Variants in RAD50 observed in about 807,000 individuals in gnomAD.
The protein encoded by RAD50 is DNA repair protein RAD50.
A neutral mutation model predicts 168.8 loss-of-function variants in RAD50; 132 were observed. The observed-to-expected ratio is 0.78, with a 90% confidence interval of 0.68 to 0.90. The LOEUF is 0.90. Ranked by LOEUF, RAD50 falls within the 40% of genes least tolerant of loss-of-function variation. The pLI is 0.00. For missense variants in RAD50, 1,347 were observed against 1,534.4 expected, an observed-to-expected ratio of 0.88 and a Z score of 2.04; for synonymous variants, 525 against 497.4, an observed-to-expected ratio of 1.06 and a Z score of -0.74.
Position 132,638,383 on chromosome 5 carries a change from C to T in RAD50, c.3618+160C>T. The stretch of plus-strand genomic sequence containing the variant: ...GGCTCAGCTACTATTATTACACTCT[C>T]CTGAAGCTAACCAACATTTCCTGCA... On this transcript the variant is annotated intron_variant, in intron 23 of 24. Transcript: ENST00000378823. The T allele has an allele frequency of 1.3e-5, 11 of 835,002 alleles. No homozygotes were observed. The South Asian group carries it at 1.5e-4, about 11-fold the overall frequency. The allele number at this position is 835,002 out of a possible 1,614,324, so 51.7% of individuals were successfully genotyped here. A position where few individuals can be genotyped will look rare whatever the true frequency, so the allele number is the denominator to read the frequency against.
intron 16 of RAD50, among the ~76,000 whole-genome samples, chr5:132,607,498 A>G (rs911418257): frequency 1.3e-5 from 2 of 152,214 alleles, no homozygotes; most frequent in Non-Finnish European, 2.9e-5. Context: ...GTACTCATTC[A>G]ATAAGCACTA....
rs143189763 is a variant in RAD50 at position 132,618,158 on chromosome 5, A to G, written c.3253A>G (p.Ile1085Val). 292 of 1,613,778 alleles carry G rather than the reference A, an allele frequency of 1.8e-4. No homozygotes were observed. The African/African-American group carries it at 3.2e-3, about 18-fold the overall frequency. ...GCGACAGAAAGGTTATGAAGAAGAA[A>G]TTATTCATTTTAAGAAAGAACTTCG... ...LGRQKGYEEE[I>V]IHFKKELREP... is the part of the protein sequence containing the mutation. The change falls in exon 21 of 25, where the codon ATT (isoleucine) becomes GTT (valine). Residue 1085 changes from isoleucine to valine, a missense_variant. By Grantham distance (29) the Ile-to-Val change is conservative. This residue lies in a region of RAD50 where 635 missense variants were observed against 739.2 expected (regional missense o/e 0.86). Coordinates refer to ENST00000378823, the MANE Select transcript of RAD50 (RefSeq NM_005732.4).
Position 132,587,921 on chromosome 5 carries a change from C to CA in RAD50, c.886-2dup. 6.2e-7 allele frequency: 1 copy of CA among 1,612,164 alleles called. No homozygotes were observed. Among genetic ancestry groups the CA allele is most frequent in the Non-Finnish European group, 8.5e-7 (1 of 1,178,582 alleles). ...TAAAGCTTTTTATTTTGGTGTTACA[C>CA]AGGTTTTTCAAGGGACTGATGAGCA... is the stretch of plus-strand genomic sequence containing the variant. On this transcript the variant is annotated splice_polypyrimidine_tract_variant and splice_region_variant and intron_variant, in intron 6 of 24. Coordinates refer to ENST00000378823, the MANE Select transcript of RAD50 (RefSeq NM_005732.4).
chr5:132,589,128 A>G (rs185589958), intron 8 of RAD50, among the ~76,000 whole-genome samples: 2 of 152,346 alleles, frequency 1.3e-5, no homozygotes, highest in East Asian at 3.9e-4. Flanking sequence ...AACTAATTGC[A>G]GAGAAAACAT....
rs756353698 is a variant in RAD50, at chr5:132,557,442, G to T, written c.118G>T (p.Ala40Ser). ...PLTILVGPNGAGKTTIIECLK... is the reference protein window; with the variant it reads ...PLTILVGPNGSGKTTIIECLK... ...TACAATTTTGGTTGGACCCAATGGGGCGGGAAAGACGGTAAGTCTTCAGTA... is the reference window on the plus strand; with the variant it reads ...TACAATTTTGGTTGGACCCAATGGGTCGGGAAAGACGGTAAGTCTTCAGTA... The change falls in exon 1 of 25, where the codon GCG becomes TCG. Residue 40 changes from alanine (A) to serine (S), a missense_variant. Ala to Ser is a moderately conservative substitution (Grantham distance 99). Transcript: ENST00000378823. The T allele has an allele frequency of 1.2e-6, 2 of 1,614,144 alleles. No individual in the cohort carries two copies. The highest frequency in any genetic ancestry group is 1.6e-4 in the Middle Eastern group (1 of 6,062).
rs371320628 is a variant in RAD50, at chr5:132,591,873, A to G, written c.1636-4A>G. ...TTTTTAAAAGATTTTTTTTTTACCT[A>G]TAGGCTGACAAAGATGAACAAATCA... On this transcript the variant is annotated splice_polypyrimidine_tract_variant and splice_region_variant and intron_variant, in intron 10 of 24. Coordinates refer to ENST00000378823, the MANE Select transcript of RAD50 (RefSeq NM_005732.4). 83 of 1,587,682 alleles carry G rather than the reference A, an allele frequency of 5.2e-5. No homozygotes were observed. Among genetic ancestry groups the G allele is most frequent in the Non-Finnish European group, 6.6e-5 (77 of 1,158,600 alleles).
Position 132,618,060 on chromosome 5 carries a change from T to C in RAD50, c.3165-10T>C. On this transcript the variant is annotated splice_polypyrimidine_tract_variant and intron_variant, in intron 20 of 24. Transcript: ENST00000378823. ...AAATGGTCCTCATTTGTCATTTTTC[T>C]TTTTTACAGTGAACATCAGAAGTTG... 6.2e-7 allele frequency: 1 copy of C among 1,609,566 alleles called. No individual in the cohort carries two copies. Among genetic ancestry groups the C allele is most frequent in the Non-Finnish European group, 8.5e-7 (1 of 1,176,672 alleles).
intron 11 of RAD50, among the ~76,000 whole-genome samples, chr5:132,594,661 A>G (rs1018202512): frequency 2.0e-5 from 3 of 152,204 alleles, no homozygotes; most frequent in African/African-American, 7.2e-5. Context: ...GAGCAGGCCC[A>G]TGAGTAGGAC....
At chr5:132,563,977 A>C (rs1244467462) in intron 2 of RAD50, among the ~76,000 whole-genome samples, 1 of 152,138 alleles carries the variant, frequency 6.6e-6, no homozygotes, top group Non-Finnish European at 1.5e-5. Flanking sequence ...CCATGATTGT[A>C]AGTTTCCTGA....
In RAD50 at chr5:132,644,153, CA is replaced by C. The variant is rs1445049818; in HGVS notation, c.*1793del. The C allele has an allele frequency of 5.5e-6, 1 of 183,410 alleles. No individual in the cohort carries two copies. The highest frequency in any genetic ancestry group is 8.9e-5 in the East Asian group (1 of 11,176). 11.4% of individuals were successfully genotyped at this position (183,410 alleles called of 1,614,324 possible). A position where few individuals can be genotyped will look rare whatever the true frequency, so the allele number is the denominator to read the frequency against. On this transcript the variant is annotated 3_prime_UTR_variant, in exon 25 of 25. Transcript: ENST00000378823. Reference sequence around the variant, plus strand: ...TACACGATCAATATAGGCAGTGAAACAAAAGTATCATTTGCAAGTTAAAACA... The same window carrying C: ...TACACGATCAATATAGGCAGTGAAACAAAGTATCATTTGCAAGTTAAAACA...
intron 21 of RAD50, among the ~76,000 whole-genome samples, chr5:132,621,224 C>T (rs911219109): frequency 6.6e-6 from 1 of 152,100 alleles, no homozygotes; most frequent in African/African-American, 2.4e-5. Context: ...CCCCAGACCT[C>T]GATCAAAAAT....
At chr5:132,602,630 TATA>T (rs1413405402) in intron 13 of RAD50, among the ~76,000 whole-genome samples, 11 of 152,206 alleles carry the variant, frequency 7.2e-5, no homozygotes, top group African/African-American at 2.2e-4. Flanking sequence ...AAATTATTCA[TATA>T]TATCCCTCAT....
intron 11 of RAD50, among the ~76,000 whole-genome samples, chr5:132,594,025 T>C (rs1428093302): frequency 1.3e-5 from 2 of 152,174 alleles, no homozygotes; most frequent in Non-Finnish European, 2.9e-5. Flanking sequence ...CTTAGGTCAC[T>C]GGTGATCTTG....
intron 2 of RAD50, among the ~76,000 whole-genome samples, chr5:132,569,286 A>G (rs1750260552): frequency 6.6e-6 from 1 of 152,224 alleles, no homozygotes; most frequent in Non-Finnish European, 1.5e-5. Flanking sequence ...GGTGTTTTGT[A>G]TATAATGGTA....
intron 2 of RAD50, among the ~76,000 whole-genome samples, chr5:132,575,411 G>C (rs772326273): frequency 7.9e-5 from 12 of 152,140 alleles, no homozygotes; most frequent in Non-Finnish European, 1.8e-4. Flanking sequence ...GCAACATGTG[G>C]AAATTCAAGA....
chr5:132,638,910 A>C (rs1351565155), intron 23 of RAD50, among the ~76,000 whole-genome samples: 3 of 152,244 alleles, frequency 2.0e-5, no homozygotes, highest in Non-Finnish European at 4.4e-5. Context: ...GATGTCACAG[A>C]TACTTGAGCT....
In RAD50 at chr5:132,603,305, G is replaced by A. The variant is rs587780152; in HGVS notation, c.2213G>A (p.Ser738Asn). ...EMLGLVPMRQ[S>N]IIDLKEKEIP... ...TAATTGTGTTTTCTATTTAGGCAAA[G>A]CATAATTGATTTGAAGGAGAAGGAA... The change falls in exon 14 of 25, where the codon AGC becomes AAC. Residue 738 changes from serine (S) to asparagine (N), a missense_variant. Ser to Asn is a conservative substitution (Grantham distance 46, BLOSUM62 1). This residue lies in a region of RAD50 where 635 missense variants were observed against 739.2 expected (regional missense o/e 0.86). Coordinates refer to ENST00000378823, the MANE Select transcript of RAD50 (RefSeq NM_005732.4). The A allele has an allele frequency of 2.5e-6, 4 of 1,610,572 alleles. No individual in the cohort carries two copies. The highest frequency in any genetic ancestry group is 3.4e-6 in the Non-Finnish European group (4 of 1,177,478).
At chr5:132,558,282 T>C (rs1372655884) in intron 1 of RAD50, among the ~76,000 whole-genome samples, 2 of 152,200 alleles carry the variant, frequency 1.3e-5, no homozygotes, top group South Asian at 2.1e-4. Flanking sequence ...GAAGGGAGAG[T>C]AGTACTGTAT....
intron 2 of RAD50, among the ~76,000 whole-genome samples, chr5:132,571,367 A>G (rs543577371): frequency 1.3e-5 from 2 of 152,358 alleles, no homozygotes; most frequent in South Asian, 2.1e-4. Context: ...TCATTCAGGT[A>G]AGAAACAGTA....
Sources: allele counts gnomAD v4.1 joint callset (sites outside exome capture counted in the v4.1 genomes callset), GRCh38; gene constraint gnomAD v4.1.1; regional missense constraint gnomAD v4.1.1; transcripts MANE v1.5; gene names NCBI Gene and HGNC (gene_info 2026-07-23, HGNC 2026-07-21).